MYOZ3: variants seen among roughly 807,000 people sequenced by gnomAD.
The protein encoded by MYOZ3 is myozenin-3.
Under a neutral mutation model 26.5 loss-of-function variants are expected in MYOZ3, and 19 were observed. The observed-to-expected ratio is 0.72, with a 90% CI of 0.50 to 1.05. MYOZ3 has a LOEUF of 1.05. Among genes scored for constraint, MYOZ3 ranks in the 50% least tolerant of loss-of-function variants. The pLI, the probability that MYOZ3 is intolerant of heterozygous loss-of-function variation, is 0.00. For missense variants in MYOZ3, 322 were observed against 337.1 expected, an observed-to-expected ratio of 0.96 and a Z score of 0.35; for synonymous variants, 135 against 138.8, an observed-to-expected ratio of 0.97 and a Z score of 0.19.
At chr5:150,668,379 A>G (rs10039000) in intron 2 of MYOZ3, among the ~76,000 whole-genome samples, 21,555 of 152,128 alleles carry the variant, frequency 0.14, 2,879 homozygotes, top group African/African-American at 0.36. Flanking sequence ...TAGTCTCTCT[A>G]TCATACCTGA....
At position 150,676,907 on chromosome 5, in the gene MYOZ3, G is replaced by A. The variant is rs778605607; in HGVS notation, c.*32G>A. On this transcript the variant is annotated 3_prime_UTR_variant, in exon 7 of 7. Transcript: ENST00000517768. The stretch of plus-strand genomic sequence containing the variant: ...CCTGAATCTTCAGTTCCCCAGTCTC[G>A]GGGGCCTGGTAACATCCGGAGCCAA... The A allele has an allele frequency of 1.0e-5, 16 of 1,583,114 alleles. No homozygotes were observed. The highest frequency in any genetic ancestry group is 1.7e-5 in the Admixed American group (1 of 58,120).
In MYOZ3 at chr5:150,676,993, A is replaced by C; in HGVS notation, c.*118A>C. On this transcript the variant is annotated 3_prime_UTR_variant, in exon 7 of 7. Coordinates refer to ENST00000517768, the MANE Select transcript of MYOZ3 (RefSeq NM_001122853.3). ...CTTCACACACAAAACCTGATTGCAA[A>C]TGGCTTCAGAGGTCACCAAGTTCAG... The C allele has an allele frequency of 9.6e-7, 1 of 1,039,438 alleles. No homozygotes were observed. Among genetic ancestry groups the C allele is most frequent in the Non-Finnish European group, 1.4e-6 (1 of 720,826 alleles). 64.4% of individuals were successfully genotyped at this position (1,039,438 alleles called of 1,614,324 possible). A position where few individuals can be genotyped will look rare whatever the true frequency, so the allele number is the denominator to read the frequency against.
chr5:150,662,672 C>A (rs1482262598), intron 1 of MYOZ3, among the ~76,000 whole-genome samples: 2 of 152,030 alleles, frequency 1.3e-5, no homozygotes, highest in African/African-American at 4.8e-5. Flanking sequence ...TGGGAAAAGG[C>A]CCTAGAAACC....
intron 6 of MYOZ3, among the ~76,000 whole-genome samples, chr5:150,674,365 G>A (rs1190495693): frequency 6.6e-6 from 1 of 152,224 alleles, no homozygotes; most frequent in Non-Finnish European, 1.5e-5. Context: ...AGGCTCTTAG[G>A]GAGCCCTGCA....
intron 1 of MYOZ3, among the ~76,000 whole-genome samples, chr5:150,661,993 C>T (rs60231499): frequency 0.058 from 8,895 of 152,160 alleles, 820 homozygotes; most frequent in African/African-American, 0.19. Context: ...GCTACTTGTT[C>T]GCAGTTACAG....
intron 6 of MYOZ3, among the ~76,000 whole-genome samples, chr5:150,675,665 G>A (rs1293743294): frequency 6.6e-6 from 1 of 152,140 alleles, no homozygotes; most frequent in East Asian, 1.9e-4. Flanking sequence ...GAGCCACCGT[G>A]CCCAGCCTGC....
chr5:150,666,194 C>T (rs1465203174), intron 2 of MYOZ3, among the ~76,000 whole-genome samples: 1 of 152,138 alleles, frequency 6.6e-6, no homozygotes, highest in Non-Finnish European at 1.5e-5. Context: ...TACAACAAAA[C>T]AGTGTAAACA....
At chr5:150,662,402 C>G (rs1758748250) in intron 1 of MYOZ3, among the ~76,000 whole-genome samples, 1 of 152,152 alleles carries the variant, frequency 6.6e-6, no homozygotes, top group African/African-American at 2.4e-5. Context: ...GGATGGTTCT[C>G]TCTGCTTGGT....
At chr5:150,667,395 T>A (rs1420774761) in intron 2 of MYOZ3, among the ~76,000 whole-genome samples, 1 of 152,178 alleles carries the variant, frequency 6.6e-6, no homozygotes, top group East Asian at 1.9e-4. Context: ...GCAAGCATCC[T>A]CCGCCACATC....
At chr5:150,672,561 C>G (rs1758938399) in intron 6 of MYOZ3, 59 bp downstream of exon 6, 1 of 1,509,812 alleles carries the variant, frequency 6.6e-7, no homozygotes, top group Non-Finnish European at 8.9e-7. Flanking sequence ...CCAGTCACAG[C>G]CACAGCGGGA....
chr5:150,677,058 A>T lies in MYOZ3; in HGVS notation c.*183A>T, dbSNP rs1339367973. ...GGGTGTGTTTCAAAATTACCTGGGG[A>T]TGTTGTTCCAAATCCAGACAACTGG... On this transcript the variant is annotated 3_prime_UTR_variant, in exon 7 of 7. Transcript: ENST00000517768. The T allele has an allele frequency of 3.4e-6, 2 of 596,812 alleles. No individual in the cohort carries two copies. Among genetic ancestry groups the T allele is most frequent in the Non-Finnish European group, 5.9e-6 (2 of 341,738 alleles). 37.0% of individuals were successfully genotyped at this position (596,812 alleles called of 1,614,324 possible).
chr5:150,676,270 G>C (rs978794313), intron 6 of MYOZ3, among the ~76,000 whole-genome samples: 1 of 152,162 alleles, frequency 6.6e-6, no homozygotes, highest in Non-Finnish European at 1.5e-5. Flanking sequence ...GAATTGCTGG[G>C]TGCGGTGGCT....
At chr5:150,668,821 A>C (rs10062671) in intron 2 of MYOZ3, among the ~76,000 whole-genome samples, 21,520 of 152,178 alleles carry the variant, frequency 0.14, 2,857 homozygotes, top group African/African-American at 0.36. Flanking sequence ...CACCCTGAAA[A>C]TCCTCTAAAT....
rs192649325 is a variant in MYOZ3, at chr5:150,666,336, G to A, written c.61+3334G>A. On this transcript the variant is annotated intron_variant, in intron 2 of 6. Coordinates refer to ENST00000517768, the MANE Select transcript of MYOZ3 (RefSeq NM_001122853.3). Reference sequence around the variant, plus strand: ...ATTTTTTAATATAGAAATGGGGGCCGGGCGCGGTGGCTCACACCTGTAATC... The same window carrying A: ...ATTTTTTAATATAGAAATGGGGGCCAGGCGCGGTGGCTCACACCTGTAATC... 9.7e-3 allele frequency among the ~76,000 whole-genome samples: 1,481 copies of A among 151,982 alleles called. 14 individuals are homozygous for A. The highest frequency in any genetic ancestry group is 0.016 in the Non-Finnish European group (1,058 of 67,994).
At chr5:150,670,426 G>C (rs1353536774) in intron 2 of MYOZ3, 58 bp from the exon 3 acceptor site, 3 of 1,465,856 alleles carry the variant, frequency 2.0e-6, no homozygotes, top group South Asian at 2.8e-5. Context: ...TCGAGAGGTG[G>C]GGCCTGGAGT....
At chr5:150,671,986 G>A in intron 5 of MYOZ3, 78 bp downstream of exon 5, 3 of 1,450,460 alleles carry the variant, frequency 2.1e-6, no homozygotes, top group Non-Finnish European at 1.8e-6. Context: ...GGCAGGAAGA[G>A]CACCCAGAAG....
At chr5:150,675,827 A>G (rs73276188) in intron 6 of MYOZ3, among the ~76,000 whole-genome samples, 13,435 of 152,292 alleles carry the variant, frequency 0.088, 1,842 homozygotes, top group African/African-American at 0.29. Context: ...CCATATGCTC[A>G]GAGGTGAAGA....
At chr5:150,669,107 C>T (rs1260565970) in intron 2 of MYOZ3, 1 of 151,400 alleles carries the variant, frequency 6.6e-6, no homozygotes, top group Admixed American at 6.6e-5. Context: ...AATTTGTTCA[C>T]TTGGAAATGT....
In MYOZ3 at chr5:150,661,370, G is replaced by A. The variant is rs948899528; in HGVS notation, c.-59G>A. 4 of 152,446 alleles carry A rather than the reference G, an allele frequency of 2.6e-5. No homozygotes were observed. Among genetic ancestry groups the A allele is most frequent in the African/African-American group, 9.6e-5 (4 of 41,460 alleles). The allele number at this position is 152,446 out of a possible 1,614,324, so 9.4% of individuals were successfully genotyped here. A position where few individuals can be genotyped will look rare whatever the true frequency, so the allele number is the denominator to read the frequency against. On this transcript the variant is annotated 5_prime_UTR_variant, in exon 1 of 7. Coordinates refer to ENST00000517768, the MANE Select transcript of MYOZ3 (RefSeq NM_001122853.3). ...ACGCAACTCTCAGCTTCCCGACAGA[G>A]GTGTTAATCTTGAGGGTCTAAGATT...
Sources: allele counts gnomAD v4.1 joint callset (sites outside exome capture counted in the v4.1 genomes callset), GRCh38; gene constraint gnomAD v4.1.1; transcripts MANE v1.5; gene names NCBI Gene and HGNC (gene_info 2026-07-23, HGNC 2026-07-21).